KCNH6: variants seen among roughly 807,000 people sequenced by gnomAD.
The protein encoded by KCNH6 is voltage-gated inwardly rectifying potassium channel KCNH6.
KCNH6 carries 81 observed loss-of-function variants against 83.4 expected under a neutral mutation model. That is an observed-to-expected ratio of 0.97 (90% CI 0.81 to 1.17). The LOEUF is 1.17. Ranked by LOEUF, KCNH6 falls within the 50% of genes most tolerant of loss-of-function variation. The pLI, the probability that KCNH6 is intolerant of heterozygous loss-of-function variation, is 0.00. For synonymous variants in KCNH6, 503 were observed against 545.6 expected (o/e 0.92, Z 1.09); for missense variants, 1,203 against 1,290.5 (o/e 0.93, Z 1.04).
chr17:63,535,698 A>G lies in KCNH6; in HGVS notation c.1131A>G (p.Thr377=). ...ETTTLIGLLK[T]ARLLRLVRVA... is the part of the protein sequence containing the mutation. ...CAACCCTGATTGGGCTATTGAAGAC[A>G]GCGCGGCTGCTGCGGCTGGTGCGCG... The change falls in exon 6 of 13, where the codon ACA becomes ACG. Residue 377 remains threonine (T), a synonymous_variant. Coordinates refer to ENST00000314672, the MANE Select transcript of KCNH6 (RefSeq NM_001278919.2). The surrounding 1 kb of genome is among the most constrained non-coding windows in gnomAD (Gnocchi z 4.9). 6.2e-7 allele frequency: 1 copy of G among 1,612,166 alleles called. No individual in the cohort carries two copies. The highest frequency in any genetic ancestry group is 1.3e-5 in the African/African-American group (1 of 74,696).
At position 63,534,451 on chromosome 17, in the gene KCNH6, GC is replaced by G; in HGVS notation, c.1101+144del. ...TGAAGCACGTGGAGGTGGAGAGGAG[GC>G]CCCAAACATCTGTCACCTCCCAGCC... On this transcript the variant is annotated intron_variant, in intron 5 of 12. Coordinates refer to ENST00000314672, the MANE Select transcript of KCNH6 (RefSeq NM_001278919.2). This position sits in a 1 kb window ranked among gnomAD's most constrained non-coding sequence, Gnocchi z 5.0. 1 of 845,900 alleles carries G rather than the reference GC, an allele frequency of 1.2e-6. No individual in the cohort carries two copies. Among genetic ancestry groups the G allele is most frequent in the Non-Finnish European group, 1.8e-6 (1 of 557,980 alleles). The allele number at this position is 845,900 out of a possible 1,614,324, so 52.4% of individuals were successfully genotyped here. A position where few individuals can be genotyped will look rare whatever the true frequency, so the allele number is the denominator to read the frequency against.
rs1380180789 is a variant in KCNH6 at position 63,534,324 on chromosome 17, C to CCT, written c.1101+15_1101+16dup. On this transcript the variant is annotated intron_variant, in intron 5 of 12. Coordinates refer to ENST00000314672, the MANE Select transcript of KCNH6 (RefSeq NM_001278919.2). This position sits in a 1 kb window ranked among gnomAD's most constrained non-coding sequence, Gnocchi z 5.0. Reference sequence around the variant, plus strand: ...TGGCTCCGATGAGGTGAGCAGACCCCCTCCAGGCCAGCAGCCATGGCTGTC... The same window carrying CCT: ...TGGCTCCGATGAGGTGAGCAGACCCCCTCTCCAGGCCAGCAGCCATGGCTGTC... 1.3e-6 allele frequency: 2 copies of CCT among 1,598,980 alleles called. No homozygotes were observed. The highest frequency in any genetic ancestry group is 1.7e-6 in the Non-Finnish European group (2 of 1,171,726).
chr17:63,547,463 T>TG (rs2033170933), downstream of KCNH6, among the ~76,000 whole-genome samples: 1 of 160 alleles, frequency 6.3e-3, no homozygotes, highest in Non-Finnish European at 0.014. Context: ...GACCCATTTC[T>TG]ACCCAAATAG....
chr17:63,548,053 C>T (rs2033182194), downstream of KCNH6, among the ~76,000 whole-genome samples: 1 of 151,556 alleles, frequency 6.6e-6, no homozygotes. Flanking sequence ...ATCACGAGGT[C>T]AGGAGATCAA....
intron 2 of KCNH6, among the ~76,000 whole-genome samples, chr17:63,525,855 A>G (rs2031675500): frequency 6.6e-6 from 1 of 152,062 alleles, no homozygotes; most frequent in Admixed American, 6.6e-5. Flanking sequence ...TGCAGAGGAG[A>G]GGTGGCAGTC....
chr17:63,528,099 C>T (rs938464741), intron 2 of KCNH6, among the ~76,000 whole-genome samples: 3 of 152,202 alleles, frequency 2.0e-5, no homozygotes, highest in Admixed American at 6.5e-5. Context: ...CAGCTCTGCC[C>T]TCTCCCTGCC....
rs752872357 is a variant in KCNH6, at chr17:63,533,865, T to A, written c.676-21T>A. The A allele has an allele frequency of 1.0e-5, 16 of 1,600,140 alleles. No individual in the cohort carries two copies. The highest frequency in any genetic ancestry group is 1.4e-5 in the Non-Finnish European group (16 of 1,173,340). ...AGCAGTGGCTGCCCCGTGCCTGACC[T>A]CCCTCGGCCCCCACCCCCAGGTCCT... On this transcript the variant is annotated intron_variant, in intron 4 of 12. Coordinates refer to ENST00000314672, the MANE Select transcript of KCNH6 (RefSeq NM_001278919.2). This position sits in a 1 kb window ranked among gnomAD's most constrained non-coding sequence, Gnocchi z 4.1.
intron 2 of KCNH6, among the ~76,000 whole-genome samples, chr17:63,529,180 G>T (rs1337378739): frequency 6.6e-6 from 1 of 152,212 alleles, no homozygotes; most frequent in Non-Finnish European, 1.5e-5. Flanking sequence ...ACCAAAGGGG[G>T]CTGCAGCCAG....
At chr17:63,540,397 A>T (rs2032788981) in intron 8 of KCNH6, among the ~76,000 whole-genome samples, 1 of 151,572 alleles carries the variant, frequency 6.6e-6, no homozygotes, top group Admixed American at 6.6e-5. Context: ...ACGCCACTGT[A>T]CTCCAGCCTG....
intron 6 of KCNH6, among the ~76,000 whole-genome samples, chr17:63,537,610 T>C (rs2032579565): frequency 6.6e-6 from 1 of 152,034 alleles, no homozygotes; most frequent in Admixed American, 6.5e-5. Context: ...AATTTTTCTA[T>C]TTTTTTGGTA....
intron 8 of KCNH6, 140 bp from the exon 9 acceptor site, chr17:63,542,101 C>T (rs891037805): frequency 1.2e-6 from 1 of 800,198 alleles, no homozygotes; most frequent in Admixed American, 2.6e-5. Flanking sequence ...CACATCCAGC[C>T]ATGTCCCCAG....
rs1275209202 is a variant in KCNH6 at position 63,545,950 on chromosome 17, G to C, written c.*48G>C. Reference sequence around the variant, plus strand: ...AGGGGACTGAAGGTGGGCAAGGTGAGAGTTAAGGATCTTGGGGAGGTGGCC... The same window carrying C: ...AGGGGACTGAAGGTGGGCAAGGTGACAGTTAAGGATCTTGGGGAGGTGGCC... On this transcript the variant is annotated 3_prime_UTR_variant, in exon 13 of 13. Coordinates refer to ENST00000314672, the MANE Select transcript of KCNH6 (RefSeq NM_001278919.2). 6.3e-7 allele frequency: 1 copy of C among 1,580,968 alleles called. No homozygotes were observed.
At position 63,535,729 on chromosome 17, in the gene KCNH6, C is replaced by A. The variant is rs144043788; in HGVS notation, c.1162C>A (p.Arg388=). The change falls in exon 6 of 13, where the codon CGG becomes AGG. Residue 388 remains arginine (R), a synonymous_variant. Coordinates refer to ENST00000314672, the MANE Select transcript of KCNH6 (RefSeq NM_001278919.2). The surrounding 1 kb of genome is among the most constrained non-coding windows in gnomAD (Gnocchi z 4.9). ...GCTGCTGCGGCTGGTGCGCGTAGCA[C>A]GGAAGCTGGACCGCTACTCTGAGTA... ...ARLLRLVRVA[R]KLDRYSEYGA... is the part of the protein sequence containing the mutation. 1 of 1,613,546 alleles carries A rather than the reference C, an allele frequency of 6.2e-7. No homozygotes were observed. The highest frequency in any genetic ancestry group is 8.5e-7 in the Non-Finnish European group (1 of 1,179,964).
rs1010184564 is a variant in KCNH6 at position 63,534,624 on chromosome 17, C to T, written c.1101+313C>T. Among the ~76,000 whole-genome samples, 1 of 152,070 alleles carries T rather than the reference C, an allele frequency of 6.6e-6. No individual in the cohort carries two copies. The highest frequency in any genetic ancestry group is 2.4e-5 in the African/African-American group (1 of 41,386). On this transcript the variant is annotated intron_variant, in intron 5 of 12. Coordinates refer to ENST00000314672, the MANE Select transcript of KCNH6 (RefSeq NM_001278919.2). This position sits in a 1 kb window ranked among gnomAD's most constrained non-coding sequence, Gnocchi z 5.0. ...CCCTCATGCTGACTTCCAAACTGCA[C>T]TCACCCTGGAGGAAGAAAGGGATCC... is the stretch of plus-strand genomic sequence containing the variant.
rs1261614637 is a variant in KCNH6 at position 63,534,661 on chromosome 17, C to T, written c.1101+350C>T. On this transcript the variant is annotated intron_variant, in intron 5 of 12. Coordinates refer to ENST00000314672, the MANE Select transcript of KCNH6 (RefSeq NM_001278919.2). The surrounding 1 kb of genome is among the most constrained non-coding windows in gnomAD (Gnocchi z 5.0). ...GAAGAAAGGGATCCCCAGGCCACTC[C>T]CCCAGTGCACCCTGGCTCCCACCTT... is the stretch of plus-strand genomic sequence containing the variant. Among the ~76,000 whole-genome samples the T allele has an allele frequency of 6.6e-6, 1 of 152,108 alleles. No homozygotes were observed. Among genetic ancestry groups the T allele is most frequent in the Admixed American group, 6.5e-5 (1 of 15,278 alleles).
chr17:63,526,224 G>A (rs536047630), intron 2 of KCNH6, among the ~76,000 whole-genome samples: 6 of 151,966 alleles, frequency 3.9e-5, no homozygotes, highest in East Asian at 1.9e-4. Flanking sequence ...TCCCACCCTC[G>A]GCCCTTCCCT....
At chr17:63,528,653 G>A (rs1169586345) in intron 2 of KCNH6, among the ~76,000 whole-genome samples, 1 of 152,120 alleles carries the variant, frequency 6.6e-6, no homozygotes, top group African/African-American at 2.4e-5. Context: ...AGCCTAACCT[G>A]CCCTCAGGGA....
At chr17:63,531,993 C>T (rs1206529081) in intron 4 of KCNH6, among the ~76,000 whole-genome samples, 2 of 152,190 alleles carry the variant, frequency 1.3e-5, no homozygotes, top group African/African-American at 4.8e-5. Context: ...ACTTAAAGAG[C>T]CTCGATGGCT....
In KCNH6 at chr17:63,538,281, C is replaced by CG. The variant is rs759595959; in HGVS notation, c.1701+19dup. 8.1e-6 allele frequency: 13 copies of CG among 1,597,460 alleles called. No individual in the cohort carries two copies. In the South Asian group the frequency reaches 1.4e-4, roughly 18 times the overall value. On this transcript the variant is annotated intron_variant, in intron 7 of 12. Coordinates refer to ENST00000314672, the MANE Select transcript of KCNH6 (RefSeq NM_001278919.2). This position sits in a 1 kb window ranked among gnomAD's most constrained non-coding sequence, Gnocchi z 4.0. ...ATGAACGCGGTGAGCCCCGCCGCTC[C>CG]GGCTAATGCCCCGGGCGTGGGGGGG...
Sources: allele counts gnomAD v4.1 joint callset (sites outside exome capture counted in the v4.1 genomes callset), GRCh38; gene constraint gnomAD v4.1.1; non-coding constraint Gnocchi (gnomAD v3.1); transcripts MANE v1.5; gene names NCBI Gene and HGNC (gene_info 2026-07-23, HGNC 2026-07-21).